Variants in ADAMTSL1 observed in about 807,000 individuals in gnomAD.
The protein encoded by ADAMTSL1 is ADAMTS like 1, also known as ADAMTS-like protein 1.
ADAMTSL1 carries 126 observed loss-of-function variants against 201.8 expected under a neutral mutation model. The ratio of observed to expected loss-of-function variants is 0.62; its 90% CI spans 0.54 to 0.72. The LOEUF is 0.72. Ranked by LOEUF, ADAMTSL1 falls within the 30% of genes least tolerant of loss-of-function variation. The pLI is 0.00. For missense variants in ADAMTSL1, 2,679 were observed against 2,277.8 expected, an observed-to-expected ratio of 1.18 and a Z score of -3.59; for synonymous variants, 1,121 against 903.4, an observed-to-expected ratio of 1.24 and a Z score of -4.32.
intron 13 of ADAMTSL1, among the ~76,000 whole-genome samples, chr9:18,686,324 G>A (rs1830836588): frequency 6.6e-6 from 1 of 152,178 alleles, no homozygotes; most frequent in African/African-American, 2.4e-5. Flanking sequence ...TTGAGAAAAA[G>A]CAACTAACCA....
At chr9:18,866,871 C>G (rs1827570023) in intron 23 of ADAMTSL1, among the ~76,000 whole-genome samples, 1 of 152,216 alleles carries the variant, frequency 6.6e-6, no homozygotes, top group Admixed American at 6.5e-5. Flanking sequence ...TCTCCTCTTG[C>G]TCTGACATCT....
chr9:18,492,432 C>A (rs562802121), intron 1 of ADAMTSL1, among the ~76,000 whole-genome samples: 5 of 152,238 alleles, frequency 3.3e-5, no homozygotes, highest in African/African-American at 1.2e-4. Context: ...TCAGAAGTCA[C>A]TTTAGGATCT....
At chr9:18,315,719 C>T (rs1056329881) in intron 2 of ADAMTSL1, among the ~76,000 whole-genome samples, 2 of 152,216 alleles carry the variant, frequency 1.3e-5, no homozygotes, top group African/African-American at 4.8e-5. Context: ...TCCCTCCACA[C>T]CTCCCGGCAA....
intron 1 of ADAMTSL1, among the ~76,000 whole-genome samples, chr9:18,066,041 C>T (rs1822686058): frequency 6.8e-6 from 1 of 146,290 alleles, no homozygotes; most frequent in Non-Finnish European, 1.5e-5. Context: ...ATGACCAGTT[C>T]TCCCTTATTT....
At chr9:18,178,004 T>C (rs986025856) in intron 2 of ADAMTSL1, among the ~76,000 whole-genome samples, 3 of 152,088 alleles carry the variant, frequency 2.0e-5, no homozygotes, top group African/African-American at 7.2e-5. Context: ...TAGAATTAGA[T>C]AGTGGTCGGG....
intron 1 of ADAMTSL1, among the ~76,000 whole-genome samples, chr9:17,983,072 C>CTTT (rs199805015): frequency 1.0e-5 from 1 of 100,316 alleles, no homozygotes; most frequent in African/African-American, 3.4e-5. Context: ...TTCTTTCTTT[C>CTTT]TTTCTTTTTT....
chr9:18,556,089 CAG>C (rs1170327831), intron 3 of ADAMTSL1, among the ~76,000 whole-genome samples: 3 of 151,938 alleles, frequency 2.0e-5, no homozygotes, highest in Non-Finnish European at 4.4e-5. Context: ...GGGTAAGAAA[CAG>C]AATTGACATT....
At chr9:18,125,557 A>G (rs1036002952) in intron 1 of ADAMTSL1, among the ~76,000 whole-genome samples, 4 of 152,202 alleles carry the variant, frequency 2.6e-5, no homozygotes, top group Non-Finnish European at 4.4e-5. Flanking sequence ...TTATAATTTT[A>G]GCTTTTAATT....
intron 2 of ADAMTSL1, among the ~76,000 whole-genome samples, chr9:18,307,172 T>C (rs9792562): frequency 0.5 from 76,531 of 151,876 alleles, 19,764 homozygotes; most frequent in Admixed American, 0.62. Flanking sequence ...CCAGGCCTGC[T>C]TTACAAAAGC....
chr9:18,513,390 G>A (rs923466419), intron 2 of ADAMTSL1, among the ~76,000 whole-genome samples: 3 of 152,120 alleles, frequency 2.0e-5, no homozygotes, highest in African/African-American at 7.2e-5. Context: ...TATATAAGTG[G>A]AATCACGTAG....
At chr9:18,464,062 AGTT>A (rs1256912299) in intron 2 of ADAMTSL1, among the ~76,000 whole-genome samples, 4 of 152,184 alleles carry the variant, frequency 2.6e-5, no homozygotes, top group African/African-American at 7.2e-5. Flanking sequence ...ATGTGTGAGT[AGTT>A]GTTGTTGCTG....
intron 1 of ADAMTSL1, among the ~76,000 whole-genome samples, chr9:18,496,929 G>T (rs1214262299): frequency 6.6e-6 from 1 of 152,210 alleles, no homozygotes; most frequent in Non-Finnish European, 1.5e-5. Flanking sequence ...TCACCAGGAA[G>T]TTGGGAATTC....
At chr9:18,281,013 C>G (rs1832766681) in intron 2 of ADAMTSL1, among the ~76,000 whole-genome samples, 1 of 151,724 alleles carries the variant, frequency 6.6e-6, no homozygotes. Flanking sequence ...GTAGCTGGGA[C>G]CACAGGTGTG....
intron 21 of ADAMTSL1, among the ~76,000 whole-genome samples, chr9:18,818,698 G>T (rs989538852): frequency 2.0e-5 from 3 of 152,124 alleles, no homozygotes. Flanking sequence ...GGCTGAGATG[G>T]GAGGATCGTT....
chr9:17,998,558 G>A (rs1014506977), intron 1 of ADAMTSL1, among the ~76,000 whole-genome samples: 3 of 152,044 alleles, frequency 2.0e-5, no homozygotes, highest in African/African-American at 4.8e-5. Flanking sequence ...GCTGCAAGGA[G>A]TTCAGTAATC....
At chr9:17,912,654 G>A (rs1267868711) in intron 1 of ADAMTSL1, among the ~76,000 whole-genome samples, 1 of 68,498 alleles carries the variant, frequency 1.5e-5, no homozygotes, top group Non-Finnish European at 4.3e-5. Flanking sequence ...CACTCTGATG[G>A]TAGTTTCTTT....
intron 2 of ADAMTSL1, among the ~76,000 whole-genome samples, chr9:18,320,759 C>G (rs10115405): frequency 6.6e-6 from 1 of 151,836 alleles, no homozygotes; most frequent in Admixed American, 6.6e-5. Context: ...CCTCTATTTC[C>G]TGTGAAGAAG....
Position 17,973,839 on chromosome 9 carries a change from A to C in ADAMTSL1, c.87+66917A>C, listed in dbSNP as rs558282284. On this transcript the variant is annotated intron_variant, in intron 1 of 29. Coordinates refer to the ADAMTSL1 transcript ENST00000680146. ...ATTTGTTGGTGTCCTCTTTGATTTC[A>C]TTGAGCAGTGGTTTGTAGTTCTCCT... Among the ~76,000 whole-genome samples, 543 of 150,280 alleles carry C rather than the reference A, an allele frequency of 3.6e-3. 5 individuals are homozygous for C. The highest frequency in any genetic ancestry group is 0.012 in the African/African-American group (500 of 40,744).
rs946390429 is a variant in ADAMTSL1, at chr9:18,908,799, G to C, written c.*251G>C. ...CTAAAGGAGGTTGCAGAGCAGGCCA[G>C]GCAGACAGTGGGGGCTCCCTTGAAG... On this transcript the variant is annotated 3_prime_UTR_variant, in exon 29 of 29. Transcript: ENST00000380548. 1.5e-5 allele frequency: 6 copies of C among 392,048 alleles called. No homozygotes were observed. The highest frequency in any genetic ancestry group is 1.3e-4 in the Admixed American group (3 of 23,932). 24.3% of individuals were successfully genotyped at this position (392,048 alleles called of 1,614,324 possible).
Sources: allele counts gnomAD v4.1 joint callset (sites outside exome capture counted in the v4.1 genomes callset), GRCh38; gene constraint gnomAD v4.1.1; transcripts MANE v1.5; gene names NCBI Gene and HGNC (gene_info 2026-07-23, HGNC 2026-07-21).